DPM2: variants seen among roughly 807,000 people sequenced by gnomAD.
The protein encoded by DPM2 is dolichol phosphate-mannose biosynthesis regulatory protein.
In DPM2, 8 loss-of-function variants were observed where a neutral mutation model predicts 12.1. That is an observed-to-expected ratio of 0.66 (90% CI 0.39 to 1.19). The LOEUF (loss-of-function observed/expected upper bound fraction) is 1.19, where lower values mean the gene tolerates loss of function less well. DPM2 is among the 50% of genes most tolerant of loss of function. The pLI, the probability that DPM2 is intolerant of heterozygous loss-of-function variation, is 0.01. For missense variants in DPM2, 93 were observed against 102.5 expected, an observed-to-expected ratio of 0.91 and a Z score of 0.40; for synonymous variants, 38 against 44.7, an observed-to-expected ratio of 0.85 and a Z score of 0.60.
rs776375979 is a variant in DPM2 at position 127,937,812 on chromosome 9, T to C, written c.3+6A>G. On this transcript the variant is annotated splice_donor_region_variant and intron_variant, in intron 1 of 3. Coordinates refer to ENST00000314392, the MANE Select transcript of DPM2 (RefSeq NM_003863.4). Reference sequence around the variant, plus strand: ...CCCTATCTCCGGCACACGGTGCCAATCTCACCATTTCCCCGCGCGCTCAGC... The same window carrying C: ...CCCTATCTCCGGCACACGGTGCCAACCTCACCATTTCCCCGCGCGCTCAGC... 62 of 1,607,744 alleles carry C rather than the reference T, an allele frequency of 3.9e-5. No individual in the cohort carries two copies. The highest frequency in any genetic ancestry group is 8.9e-5 in the East Asian group (4 of 44,856).
Position 127,936,646 on chromosome 9 carries a change from C to T in DPM2, c.103G>A (p.Asp35Asn), listed in dbSNP as rs1049674525. Residue 35 changes from aspartate to asparagine, a missense_variant, in exon 3 of 4, where the codon GAC (aspartate) becomes AAC (asparagine). Physicochemically the swap from Asp to Asn is conservative, Grantham distance 23. Coordinates refer to ENST00000314392, the MANE Select transcript of DPM2 (RefSeq NM_003863.4). Reference sequence around the variant, plus strand: ...TACTTGTGGATGACATGCTGACTGTCGATGAATGGCTGGCATCGAGGGAAG... The same window carrying T: ...TACTTGTGGATGACATGCTGACTGTTGATGAATGGCTGGCATCGAGGGAAG... ...TAWVILLPFI[D>N]SQHVIHKYFL... is the part of the protein sequence containing the mutation. The T allele has an allele frequency of 2.0e-6, 3 of 1,496,476 alleles. No individual in the cohort carries two copies. Among genetic ancestry groups the T allele is most frequent in the African/African-American group, 1.4e-5 (1 of 70,702 alleles). 92.7% of individuals were successfully genotyped at this position (1,496,476 alleles called of 1,614,324 possible). A position where few individuals can be genotyped will look rare whatever the true frequency, so the allele number is the denominator to read the frequency against.
chr9:127,937,745 GC>G, intron 1 of DPM2, 72 bp downstream of exon 1: 1 of 1,588,692 alleles, frequency 6.3e-7, no homozygotes, highest in South Asian at 1.1e-5. Context: ...AAGTGCCCAT[GC>G]CCCAGCTCCT....
chr9:127,935,719 C>A lies in DPM2; in HGVS notation c.*3G>T, dbSNP rs1831493153. The A allele has an allele frequency of 1.9e-6, 3 of 1,613,180 alleles. No individual in the cohort carries two copies. The African/African-American group carries it at 4.0e-5, about 22-fold the overall frequency. Reference sequence around the variant, plus strand: ...GGCTGGCAGCCTCATCCCTGCGGGACCTTCACTGAGCCTTCTTGGTCACTC... The same window carrying A: ...GGCTGGCAGCCTCATCCCTGCGGGAACTTCACTGAGCCTTCTTGGTCACTC... On this transcript the variant is annotated 3_prime_UTR_variant, in exon 4 of 4. Transcript: ENST00000314392.
intron 2 of DPM2, chr9:127,937,229 T>C (rs1654522677): frequency 2.1e-6 from 1 of 476,486 alleles, no homozygotes; most frequent in East Asian, 3.4e-5. Flanking sequence ...GGATGCAATC[T>C]TGGGCCAGAT....
chr9:127,936,121 C>T, intron 3 of DPM2: 1 of 635,678 alleles, frequency 1.6e-6, no homozygotes, highest in Non-Finnish European at 2.6e-6. Context: ...ACCCACCCAT[C>T]CATCCACCCA....
At position 127,935,714 on chromosome 9, in the gene DPM2, C is replaced by T. The variant is rs201974273; in HGVS notation, c.*8G>A. ...GAAGGGGCTGGCAGCCTCATCCCTG[C>T]GGGACCTTCACTGAGCCTTCTTGGT... On this transcript the variant is annotated 3_prime_UTR_variant, in exon 4 of 4. Coordinates refer to ENST00000314392, the MANE Select transcript of DPM2 (RefSeq NM_003863.4). 1.4e-5 allele frequency: 23 copies of T among 1,613,186 alleles called. No individual in the cohort carries two copies. Among genetic ancestry groups the T allele is most frequent in the East Asian group, 4.5e-5 (2 of 44,878 alleles).
Position 127,936,668 on chromosome 9 carries a change from G to C in DPM2, c.94-13C>G. On this transcript the variant is annotated splice_polypyrimidine_tract_variant and intron_variant, in intron 2 of 3. Coordinates refer to ENST00000314392, the MANE Select transcript of DPM2 (RefSeq NM_003863.4). The stretch of plus-strand genomic sequence containing the variant: ...TGTCGATGAATGGCTGGCATCGAGG[G>C]AAGAGCTCTGGTGTGTCTTGCTTGC... 1.3e-6 allele frequency: 2 copies of C among 1,492,880 alleles called. No individual in the cohort carries two copies. Among genetic ancestry groups the C allele is most frequent in the Non-Finnish European group, 1.8e-6 (2 of 1,122,206 alleles). 92.5% of individuals were successfully genotyped at this position (1,492,880 alleles called of 1,614,324 possible). A position where few individuals can be genotyped will look rare whatever the true frequency, so the allele number is the denominator to read the frequency against.
chr9:127,935,386 G>A lies in DPM2; in HGVS notation c.*336C>T. 1 of 421,182 alleles carries A rather than the reference G, an allele frequency of 2.4e-6. No individual in the cohort carries two copies. Among genetic ancestry groups the A allele is most frequent in the South Asian group, 2.4e-5 (1 of 41,900 alleles). 26.1% of individuals were successfully genotyped at this position (421,182 alleles called of 1,614,324 possible). ...AACCTGCTAAGTCCAACGTCAGCAT[G>A]TGACAGGAGGGGAAGTGAGGCAAGA... On this transcript the variant is annotated 3_prime_UTR_variant, in exon 4 of 4. Coordinates refer to ENST00000314392, the MANE Select transcript of DPM2 (RefSeq NM_003863.4).
chr9:127,936,503 G>T, intron 3 of DPM2, 50 bp downstream of exon 3: 1 of 1,605,760 alleles, frequency 6.2e-7, no homozygotes, highest in African/African-American at 1.3e-5. Flanking sequence ...TCAGAGGTGG[G>T]GTCTTCCCGA....
rs1017937454 is a variant in DPM2, at chr9:127,937,732, TC to T, written c.3+85del. The T allele has an allele frequency of 3.9e-6, 6 of 1,552,574 alleles. No homozygotes were observed. In the African/African-American group the frequency reaches 8.1e-5, roughly 21 times the overall value. On this transcript the variant is annotated intron_variant, in intron 1 of 3. Transcript: ENST00000314392. ...GTGGGGGCGGGAGAGCAATCCCCGT[TC>T]CAAGTGCCCATGCCCCAGCTCCTGA...
chr9:127,935,461 G>C lies in DPM2; in HGVS notation c.*261C>G. ...GCAGGGAGTCTGAGAGTGAGGTTGG[G>C]AGGACCAGCATCTTTTAGGCCCTGA... On this transcript the variant is annotated 3_prime_UTR_variant, in exon 4 of 4. Transcript: ENST00000314392. 5.4e-6 allele frequency: 3 copies of C among 552,368 alleles called. No individual in the cohort carries two copies. The highest frequency in any genetic ancestry group is 9.7e-6 in the Non-Finnish European group (3 of 307,722). 34.2% of individuals were successfully genotyped at this position (552,368 alleles called of 1,614,324 possible).
chr9:127,937,794 T>C (rs1352604778), intron 1 of DPM2, 24 bp downstream of exon 1: 1 of 1,610,644 alleles, frequency 6.2e-7, no homozygotes, highest in South Asian at 1.1e-5. Flanking sequence ...CGCCCCTATC[T>C]CCGGCACACG....
chr9:127,937,484 C>G lies in DPM2; in HGVS notation c.43G>C (p.Ala15Pro). The change falls in exon 2 of 4, where the codon GCC becomes CCC. Residue 15 changes from alanine to proline, a missense_variant. Transcript: ENST00000314392. ...TDQVVGLGLV[A>P]VSLIIFTYYT... Reference sequence around the variant, plus strand: ...TAGGTGAAGATGATCAGGCTAACGGCGACGAGGCCGAGTCCCACCACCTGG... The same window carrying G: ...TAGGTGAAGATGATCAGGCTAACGGGGACGAGGCCGAGTCCCACCACCTGG... 1 of 1,613,976 alleles carries G rather than the reference C, an allele frequency of 6.2e-7. No homozygotes were observed. The highest frequency in any genetic ancestry group is 2.2e-5 in the East Asian group (1 of 44,892).
Position 127,937,806 on chromosome 9 carries a change from T to C in DPM2, c.3+12A>G, listed in dbSNP as rs2274425. 818 of 1,609,336 alleles carry C rather than the reference T, an allele frequency of 5.1e-4. 4 individuals are homozygous for C. The African/African-American group carries it at 8.6e-3, about 17-fold the overall frequency. On this transcript the variant is annotated intron_variant, in intron 1 of 3. Transcript: ENST00000314392. ...AGACGCCCCTATCTCCGGCACACGG[T>C]GCCAATCTCACCATTTCCCCGCGCG...
chr9:127,936,960 C>T, intron 2 of DPM2: 1 of 352,348 alleles, frequency 2.8e-6, no homozygotes, highest in Non-Finnish European at 5.1e-6. Flanking sequence ...GAATCCTCGA[C>T]TGACTCCCAA....
Position 127,935,398 on chromosome 9 carries a change from G to A in DPM2, c.*324C>T. The A allele has an allele frequency of 2.2e-6, 1 of 445,084 alleles. No individual in the cohort carries two copies. The highest frequency in any genetic ancestry group is 4.2e-6 in the Non-Finnish European group (1 of 240,566). 27.6% of individuals were successfully genotyped at this position (445,084 alleles called of 1,614,324 possible). A position where few individuals can be genotyped will look rare whatever the true frequency, so the allele number is the denominator to read the frequency against. ...CCAACGTCAGCATGTGACAGGAGGG[G>A]AAGTGAGGCAAGACGGCAGAACCCA... On this transcript the variant is annotated 3_prime_UTR_variant, in exon 4 of 4. Coordinates refer to ENST00000314392, the MANE Select transcript of DPM2 (RefSeq NM_003863.4).
chr9:127,936,445 G>T, intron 3 of DPM2, 108 bp downstream of exon 3: 1 of 1,609,896 alleles, frequency 6.2e-7, no homozygotes, highest in Non-Finnish European at 8.5e-7. Context: ...CCCCACGGGT[G>T]AGTTCGGGGC....
At position 127,935,601 on chromosome 9, in the gene DPM2, T is replaced by C. The variant is rs1169914104; in HGVS notation, c.*121A>G. The C allele has an allele frequency of 1.0e-6, 1 of 1,004,786 alleles. No individual in the cohort carries two copies. Among genetic ancestry groups the C allele is most frequent in the Non-Finnish European group, 1.5e-6 (1 of 655,082 alleles). The allele number at this position is 1,004,786 out of a possible 1,614,324, so 62.2% of individuals were successfully genotyped here. ...TGTAAGCTCCATGCCATGGGGACTC[T>C]GCAGGACAGGCAGGCTTGAGGAGCC... On this transcript the variant is annotated 3_prime_UTR_variant, in exon 4 of 4. Coordinates refer to ENST00000314392, the MANE Select transcript of DPM2 (RefSeq NM_003863.4).
intron 2 of DPM2, chr9:127,937,150 C>CTGTT (rs1413746672): frequency 6.8e-5 from 24 of 352,148 alleles, no homozygotes; most frequent in African/African-American, 5.1e-4. Context: ...AGCAGGCTAA[C>CTGTT]CCAGAAGGAA....
Sources: gnomAD v4.1 joint callset for allele counts on GRCh38, gnomAD v4.1.1 for gene constraint, MANE v1.5 for transcripts, NCBI Gene and HGNC (gene_info 2026-07-23, HGNC 2026-07-21) for gene names.